The following XKR9 variants were observed in gnomAD, a reference collection of about 807,000 sequenced individuals.
The protein encoded by XKR9 is XK-related protein 9.
Under a neutral mutation model 32.0 loss-of-function variants are expected in XKR9, and 32 were observed. That is an observed-to-expected ratio of 1.00 (90% CI 0.76 to 1.34). The LOEUF is 1.34. Ranked by LOEUF, XKR9 falls within the 40% of genes most tolerant of loss-of-function variation. The probability of loss-of-function intolerance (pLI) is 0.00; values close to 1 mark genes in which losing one functional copy is unlikely to be tolerated. For synonymous variants in XKR9, 168 were observed against 143.4 expected, an observed-to-expected ratio of 1.17 and a Z score of -1.22; for missense variants, 546 against 429.7, an observed-to-expected ratio of 1.27 and a Z score of -2.39.
intron 3 of XKR9, among the ~76,000 whole-genome samples, chr8:70,681,957 T>TA (rs958316526): frequency 6.6e-6 from 1 of 152,110 alleles, no homozygotes; most frequent in African/African-American, 2.4e-5. Context: ...TTGAATGTAT[T>TA]AAAAAAATTC....
the XKR9 span, among the ~76,000 whole-genome samples, chr8:70,961,741 A>G: frequency 6.6e-6 from 1 of 152,202 alleles, no homozygotes; most frequent in Admixed American, 6.5e-5. Context: ...AGAAGGGTAC[A>G]TTTTTTATGA....
the XKR9 span, among the ~76,000 whole-genome samples, chr8:70,852,688 G>GT: frequency 1.3e-5 from 2 of 152,100 alleles, no homozygotes; most frequent in African/African-American, 2.4e-5. Flanking sequence ...ATGAGTTCAT[G>GT]TTTTTTTCAG....
the XKR9 span, among the ~76,000 whole-genome samples, chr8:70,810,748 A>T: frequency 6.6e-6 from 1 of 152,226 alleles, no homozygotes; most frequent in East Asian, 1.9e-4. Context: ...CACTATCCTA[A>T]ATATATGTGC....
chr8:70,689,339 CTATA>C lies in XKR9; in HGVS notation c.272+8012_272+8015del, dbSNP rs542497170. On this transcript the variant is annotated intron_variant, in intron 3 of 4. Coordinates refer to ENST00000408926, the MANE Select transcript of XKR9 (RefSeq NM_001011720.2). ...ACTAGATTAACAAAAATCTGAATGA[CTATA>C]TACTCTCTTGGTAAAGTGTGAGAAA... is the stretch of plus-strand genomic sequence containing the variant. 4.6e-4 allele frequency among the ~76,000 whole-genome samples: 70 copies of C among 151,698 alleles called. 2 individuals are homozygous for C. In the South Asian group the frequency reaches 0.012, roughly 26 times the overall value.
chr8:70,847,181 A>G, the XKR9 span, among the ~76,000 whole-genome samples: 1 of 152,014 alleles, frequency 6.6e-6, no homozygotes. Context: ...AAATCAATAA[A>G]AAGAGGAACC....
At chr8:70,894,639 C>T in the XKR9 span, among the ~76,000 whole-genome samples, 1 of 152,104 alleles carries the variant, frequency 6.6e-6, no homozygotes, top group Non-Finnish European at 1.5e-5. Context: ...AGCTTAGGTG[C>T]TAGGGTATGC....
At position 70,733,996 on chromosome 8, in the gene XKR9, T is replaced by C. The variant is rs1806765619; in HGVS notation, c.694T>C (p.Leu232=). Reference sequence around the variant, plus strand: ...ACTATTCTTAAATGTTAAGATTGCTTTATTTCTGTTGTTATTTCTTTGGTT... The same window carrying C: ...ACTATTCTTAAATGTTAAGATTGCTCTATTTCTGTTGTTATTTCTTTGGTT... The part of the protein sequence containing the change: ...LLLFLNVKIA[L]FLLLFLWLLG... The change falls in exon 5 of 5, where the codon TTA becomes CTA. Residue 232 remains leucine, a synonymous_variant. Coordinates refer to ENST00000408926, the MANE Select transcript of XKR9 (RefSeq NM_001011720.2). 6 of 1,612,408 alleles carry C rather than the reference T, an allele frequency of 3.7e-6. No individual in the cohort carries two copies. The highest frequency in any genetic ancestry group is 4.2e-6 in the Non-Finnish European group (5 of 1,179,590).
At chr8:70,982,399 G>C in the XKR9 span, among the ~76,000 whole-genome samples, 2 of 152,176 alleles carry the variant, frequency 1.3e-5, no homozygotes, top group African/African-American at 2.4e-5. Context: ...TCACAGTCCA[G>C]TGGAGTTATA....
intron 3 of XKR9, among the ~76,000 whole-genome samples, chr8:70,692,028 A>ATTC (rs71566234): frequency 0.4 from 61,048 of 151,744 alleles, 13,774 homozygotes; most frequent in Non-Finnish European, 0.52. Context: ...AATGATATTG[A>ATTC]TTCTTATTTA....
the XKR9 span, among the ~76,000 whole-genome samples, chr8:71,005,943 A>G: frequency 3.9e-5 from 6 of 152,344 alleles, no homozygotes; most frequent in East Asian, 1.9e-4. Context: ...AATGTTGTTC[A>G]TAAGAGGGAC....
chr8:70,705,061 G>T (rs1038230892), intron 3 of XKR9, among the ~76,000 whole-genome samples: 2 of 152,006 alleles, frequency 1.3e-5, no homozygotes, highest in African/African-American at 4.8e-5. Flanking sequence ...GCCAGACAAA[G>T]AATCTTTGCA....
At chr8:70,810,811 A>G in the XKR9 span, among the ~76,000 whole-genome samples, 3 of 152,232 alleles carry the variant, frequency 2.0e-5, no homozygotes, top group Non-Finnish European at 4.4e-5. Flanking sequence ...AGACCTACAA[A>G]GAGACTTAGA....
the XKR9 span, among the ~76,000 whole-genome samples, chr8:70,853,077 C>CA: frequency 6.6e-6 from 1 of 152,062 alleles, no homozygotes; most frequent in Non-Finnish European, 1.5e-5. Context: ...AAAAGAATGT[C>CA]ATTCTATAAT....
chr8:70,849,701 A>T, the XKR9 span, among the ~76,000 whole-genome samples: 1 of 152,168 alleles, frequency 6.6e-6, no homozygotes, highest in Admixed American at 6.5e-5. Flanking sequence ...GAAAAGACTG[A>T]CAAAATAGAT....
At chr8:70,741,653 T>C (rs1004922326) in intron 2 of XKR9, among the ~76,000 whole-genome samples, 1 of 152,194 alleles carries the variant, frequency 6.6e-6, no homozygotes, top group African/African-American at 2.4e-5. Flanking sequence ...ATGAATGGAT[T>C]GATGAATGGA....
downstream of XKR9, among the ~76,000 whole-genome samples, chr8:70,793,634 C>T (rs1807793172): frequency 6.6e-6 from 1 of 152,136 alleles, no homozygotes; most frequent in South Asian, 2.1e-4. Flanking sequence ...TGGACTATAA[C>T]AGCACTCTCA....
At chr8:70,772,349 G>C (rs569595251) in intron 2 of XKR9, among the ~76,000 whole-genome samples, 1 of 152,284 alleles carries the variant, frequency 6.6e-6, no homozygotes, top group East Asian at 1.9e-4. Context: ...TCTTTTTAGT[G>C]ATATATGTTT....
chr8:70,928,119 T>A, the XKR9 span, among the ~76,000 whole-genome samples: 116 of 152,208 alleles, frequency 7.6e-4, 1 homozygote, highest in Non-Finnish European at 1.0e-3. Flanking sequence ...TGCAGCTCAC[T>A]GCAACCTCAA....
At chr8:70,970,940 A>T in the XKR9 span, among the ~76,000 whole-genome samples, 1 of 152,212 alleles carries the variant, frequency 6.6e-6, no homozygotes, top group Non-Finnish European at 1.5e-5. Flanking sequence ...TTGACCGAGC[A>T]ATCCCATTAC....
Sources: allele counts gnomAD v4.1 joint callset (sites outside exome capture counted in the v4.1 genomes callset), GRCh38; gene constraint gnomAD v4.1.1; transcripts MANE v1.5; gene names NCBI Gene and HGNC (gene_info 2026-07-23, HGNC 2026-07-21).